NEGR1: variants seen among roughly 807,000 people sequenced by gnomAD.
NEGR1 encodes IgLON family member 4.
NEGR1 carries 10 observed loss-of-function variants against 40.9 expected under a neutral mutation model. That is an observed-to-expected ratio of 0.24 (90% CI 0.15 to 0.42). The LOEUF is 0.42. Among genes scored for constraint, NEGR1 ranks in the 10% least tolerant of loss-of-function variants. The probability of loss-of-function intolerance (pLI) is 1.00; values close to 1 mark genes in which losing one functional copy is unlikely to be tolerated. For synonymous variants in NEGR1, 185 were observed against 166.8 expected (o/e 1.11, Z -0.84); for missense variants, 352 against 438.9 (o/e 0.80, Z 1.77).
At chr1:71,853,470 AC>A (rs1334418146) in intron 2 of NEGR1, among the ~76,000 whole-genome samples, 1 of 152,092 alleles carries the variant, frequency 6.6e-6, no homozygotes, top group African/African-American at 2.4e-5. Flanking sequence ...TTTTACAAAG[AC>A]AATTGTGTCC....
intron 1 of NEGR1, among the ~76,000 whole-genome samples, chr1:72,119,754 T>C (rs1490725096): frequency 6.6e-6 from 1 of 151,860 alleles, no homozygotes; most frequent in African/African-American, 2.4e-5. Context: ...TGTCCCACAA[T>C]GACCAGGACA....
rs955146768 is a variant in NEGR1, at chr1:71,430,447, A to T, written c.941-22877T>A. ...TCTCTTGCTTTTATGTAAAATTAAA[A>T]TTCATGGTTTTGATTTTTTAATGGT... On this transcript the variant is annotated intron_variant, in intron 6 of 6. Transcript: ENST00000357731. 3.9e-5 allele frequency among the ~76,000 whole-genome samples: 6 copies of T among 152,216 alleles called. No individual in the cohort carries two copies. The East Asian group carries it at 1.2e-3, about 29-fold the overall frequency.
intron 2 of NEGR1, among the ~76,000 whole-genome samples, chr1:71,927,847 A>AAAAAAAAAAAAAAAAAAC (rs1645790443): frequency 7.8e-6 from 1 of 128,828 alleles, no homozygotes; most frequent in South Asian, 2.6e-4. Flanking sequence ...AAAAAAAAAA[A>AAAAAAAAAAAAAAAAAAC]AAAAGCCAGG....
chr1:72,113,170 A>T (rs1032235198), intron 1 of NEGR1, among the ~76,000 whole-genome samples: 28 of 151,716 alleles, frequency 1.8e-4, no homozygotes, highest in Non-Finnish European at 2.4e-4. Flanking sequence ...CAGTATTATG[A>T]ATTTATGAAC....
In NEGR1 at chr1:71,725,377, G is replaced by A. The variant is rs1654636906; in HGVS notation, c.536-27238C>T. ...TGTTATAGAACCCACACCTTGATCC[G>A]TCATTGCAGATACTCTTGGATTGAA... On this transcript the variant is annotated intron_variant, in intron 3 of 6. Transcript: ENST00000357731. 4.0e-5 allele frequency among the ~76,000 whole-genome samples: 6 copies of A among 151,874 alleles called. No homozygotes were observed. In the South Asian group the frequency reaches 6.2e-4, roughly 16 times the overall value.
intron 2 of NEGR1, among the ~76,000 whole-genome samples, chr1:71,826,378 T>C (rs1658625879): frequency 6.6e-6 from 1 of 151,944 alleles, no homozygotes; most frequent in African/African-American, 2.4e-5. Flanking sequence ...CTGCTAATCA[T>C]TCCTTTCACT....
chr1:71,625,834 C>T (rs1368587569), intron 4 of NEGR1, among the ~76,000 whole-genome samples: 1 of 151,822 alleles, frequency 6.6e-6, no homozygotes, highest in African/African-American at 2.4e-5. Context: ...TTTGATGTTT[C>T]ACTGTGTAAT....
At chr1:71,769,698 A>G (rs898089201) in intron 3 of NEGR1, among the ~76,000 whole-genome samples, 3 of 152,184 alleles carry the variant, frequency 2.0e-5, no homozygotes, top group African/African-American at 7.2e-5. Context: ...GTCCTGTGGA[A>G]CCATGAGTCC....
At chr1:71,982,666 T>A (rs1008679426) in intron 1 of NEGR1, among the ~76,000 whole-genome samples, 9 of 152,122 alleles carry the variant, frequency 5.9e-5, no homozygotes, top group Non-Finnish European at 1.2e-4. Flanking sequence ...AGCACAGTGT[T>A]TGCATACATG....
chr1:71,444,955 C>A (rs776762744), intron 6 of NEGR1, among the ~76,000 whole-genome samples: 1 of 152,128 alleles, frequency 6.6e-6, no homozygotes, highest in Non-Finnish European at 1.5e-5. Flanking sequence ...GATACCACAG[C>A]TCAGGCATAT....
At chr1:72,193,047 CCACT>C (rs1193791566) in intron 1 of NEGR1, among the ~76,000 whole-genome samples, 1 of 151,624 alleles carries the variant, frequency 6.6e-6, no homozygotes, top group Non-Finnish European at 1.5e-5. Flanking sequence ...AATGATGGAA[CCACT>C]CACTAATTTG....
chr1:72,245,094 T>A (rs1004740877), intron 1 of NEGR1, among the ~76,000 whole-genome samples: 4 of 152,122 alleles, frequency 2.6e-5, no homozygotes, highest in Admixed American at 1.3e-4. Context: ...ACCGTATTGG[T>A]CAACGTAAAA....
intron 6 of NEGR1, among the ~76,000 whole-genome samples, chr1:71,583,577 T>C (rs1649206570): frequency 6.6e-6 from 1 of 152,336 alleles, no homozygotes; most frequent in East Asian, 1.9e-4. Flanking sequence ...TTAGTTAATG[T>C]TAGTCAGTTT....
chr1:71,993,658 G>A (rs572270206), intron 1 of NEGR1, among the ~76,000 whole-genome samples: 13 of 152,224 alleles, frequency 8.5e-5, no homozygotes, highest in African/African-American at 2.4e-4. Flanking sequence ...TGCTCAGGGC[G>A]TGCCACAAAA....
At position 71,568,918 on chromosome 1, in the gene NEGR1, AT is replaced by A. The variant is rs1301098957; in HGVS notation, c.940+23898del. Among the ~76,000 whole-genome samples, 1,103 of 119,754 alleles carry A rather than the reference AT, an allele frequency of 9.2e-3. 16 individuals are homozygous for A. The highest frequency in any genetic ancestry group is 0.032 in the Admixed American group (362 of 11,442). 78.6% of individuals were successfully genotyped at this position (119,754 alleles called of 152,430 possible). A position where few individuals can be genotyped will look rare whatever the true frequency, so the allele number is the denominator to read the frequency against. Reference sequence around the variant, plus strand: ...CCTCAGGGGCAATGATCCTTTTGTAATTTTTTTTTTTTTTTTGGAGACGGAG... The same window carrying A: ...CCTCAGGGGCAATGATCCTTTTGTAATTTTTTTTTTTTTTTGGAGACGGAG... On this transcript the variant is annotated intron_variant, in intron 6 of 6. Transcript: ENST00000357731.
intron 1 of NEGR1, among the ~76,000 whole-genome samples, chr1:72,000,424 A>T (rs1479998241): frequency 2.0e-5 from 3 of 152,108 alleles, no homozygotes; most frequent in African/African-American, 7.2e-5. Context: ...GAGGCAAAAT[A>T]TAAAAAAAAA....
At chr1:72,026,987 G>C (rs917355388) in intron 1 of NEGR1, among the ~76,000 whole-genome samples, 4 of 151,802 alleles carry the variant, frequency 2.6e-5, no homozygotes, top group African/African-American at 9.7e-5. Flanking sequence ...GTGCAGTGGC[G>C]CGATCTGGGC....
rs190971320 is a variant in NEGR1, at chr1:71,641,502, T to C, written c.668-30356A>G. ...TCTGTATTCTTTAAGCTGATCCTCCTGTCATGGAGTTTTATTTGCAACCAA... is the reference window on the plus strand; with the variant it reads ...TCTGTATTCTTTAAGCTGATCCTCCCGTCATGGAGTTTTATTTGCAACCAA... On this transcript the variant is annotated intron_variant, in intron 4 of 6. Coordinates refer to ENST00000357731, the MANE Select transcript of NEGR1 (RefSeq NM_173808.3). Among the ~76,000 whole-genome samples, 9 of 152,160 alleles carry C rather than the reference T, an allele frequency of 5.9e-5. No individual in the cohort carries two copies. In the East Asian group the frequency reaches 1.7e-3, roughly 30 times the overall value.
At chr1:71,660,836 G>A (rs1287356064) in intron 4 of NEGR1, among the ~76,000 whole-genome samples, 2 of 152,036 alleles carry the variant, frequency 1.3e-5, no homozygotes, top group African/African-American at 4.8e-5. Context: ...TTCTCCTAAT[G>A]CTATCCCTCT....
Sources: allele counts gnomAD v4.1 joint callset (sites outside exome capture counted in the v4.1 genomes callset), GRCh38; gene constraint gnomAD v4.1.1; transcripts MANE v1.5; gene names NCBI Gene and HGNC (gene_info 2026-07-23, HGNC 2026-07-21).